EEF2K: variants seen among roughly 807,000 people sequenced by gnomAD.
EEF2K encodes alternative protein EEF2K.
A neutral mutation model predicts 93.8 loss-of-function variants in EEF2K; 70 were observed. The ratio of observed to expected loss-of-function variants is 0.75; its 90% confidence interval spans 0.62 to 0.91. EEF2K has a LOEUF of 0.91. EEF2K is among the 40% of genes least tolerant of loss of function. The pLI is 0.00. For missense variants in EEF2K, 935 were observed against 972.9 expected (o/e 0.96, Z 0.52); for synonymous variants, 376 against 380.8 (o/e 0.99, Z 0.15).
chr16:22,257,606 C>T (rs1482666276), intron 8 of EEF2K, 37 bp from the exon 9 acceptor site: 4 of 1,605,696 alleles, frequency 2.5e-6, no homozygotes, highest in Non-Finnish European at 3.4e-6. Context: ...CGTCACAGAG[C>T]AAAGCAACAC....
intron 2 of EEF2K, among the ~76,000 whole-genome samples, chr16:22,231,566 C>T (rs1191926293): frequency 1.3e-5 from 2 of 152,080 alleles, no homozygotes; most frequent in Non-Finnish European, 2.9e-5. Context: ...ATTTTTTAAA[C>T]ATTTTAAACT....
At chr16:22,215,566 G>A (rs2046950812) in intron 1 of EEF2K, among the ~76,000 whole-genome samples, 1 of 152,196 alleles carries the variant, frequency 6.6e-6, no homozygotes. Context: ...CAGACATTAA[G>A]ACACTGATGT....
chr16:22,263,387 T>G (rs1382995005), intron 12 of EEF2K, 200 bp downstream of exon 12: 7 of 292,998 alleles, frequency 2.4e-5, no homozygotes, highest in Non-Finnish European at 3.2e-5. Context: ...GGCGGGTGGA[T>G]CACCTGACAT....
chr16:22,270,944 G>A (rs1266379958), intron 15 of EEF2K, among the ~76,000 whole-genome samples: 15 of 148,566 alleles, frequency 1.0e-4, no homozygotes, highest in Admixed American at 7.4e-4. Flanking sequence ...GTGTGTGTGT[G>A]TATATATATA....
chr16:22,218,942 A>AG (rs2046986295), intron 1 of EEF2K, among the ~76,000 whole-genome samples: 2 of 151,798 alleles, frequency 1.3e-5, no homozygotes, highest in African/African-American at 4.8e-5. Context: ...AAATTAAAAA[A>AG]AAAAAAAAAA....
intron 3 of EEF2K, among the ~76,000 whole-genome samples, chr16:22,246,132 C>A (rs1370085684): frequency 6.6e-6 from 1 of 152,134 alleles, no homozygotes; most frequent in Non-Finnish European, 1.5e-5. Context: ...TCCCATGAAC[C>A]CCTCCTTGGG....
At chr16:22,247,878 C>T (rs780287563) in intron 3 of EEF2K, among the ~76,000 whole-genome samples, 4 of 152,082 alleles carry the variant, frequency 2.6e-5, no homozygotes, top group South Asian at 2.1e-4. Flanking sequence ...CCACTGTGTG[C>T]GGCTGTTACT....
At chr16:22,245,182 C>T (rs546162440) in intron 3 of EEF2K, among the ~76,000 whole-genome samples, 7 of 152,170 alleles carry the variant, frequency 4.6e-5, no homozygotes, top group African/African-American at 1.4e-4. Flanking sequence ...GCAGGAGAAT[C>T]GCTTGAACTC....
intron 15 of EEF2K, among the ~76,000 whole-genome samples, chr16:22,270,971 C>CT (rs11290278): frequency 0.011 from 1,464 of 129,548 alleles, 30 homozygotes; most frequent in African/African-American, 0.032. Flanking sequence ...TTTTGTTTTT[C>CT]TTTTTTTTTT....
chr16:22,220,411 C>T (rs116077242), intron 1 of EEF2K, among the ~76,000 whole-genome samples: 1 of 151,674 alleles, frequency 6.6e-6, no homozygotes, highest in African/African-American at 2.4e-5. Context: ...CAGATTTGCT[C>T]GCTAGCAGCC....
At chr16:22,240,857 C>T (rs2047214833) in intron 2 of EEF2K, among the ~76,000 whole-genome samples, 1 of 152,114 alleles carries the variant, frequency 6.6e-6, no homozygotes, top group South Asian at 2.1e-4. Flanking sequence ...GCAACCTCCG[C>T]CTCCTGGGTT....
Position 22,232,432 on chromosome 16 carries a change from G to T in EEF2K, c.246+6457G>T, listed in dbSNP as rs184544375. Among the ~76,000 whole-genome samples the T allele has an allele frequency of 3.3e-5, 5 of 151,872 alleles. No individual in the cohort carries two copies. In the South Asian group the frequency reaches 1.0e-3, roughly 32 times the overall value. On this transcript the variant is annotated intron_variant, in intron 2 of 17. Coordinates refer to ENST00000263026, the MANE Select transcript of EEF2K (RefSeq NM_013302.5). The stretch of plus-strand genomic sequence containing the variant: ...TTTTGGAACGATGGGGTCTCATTAC[G>T]TTGCCCAGGCTGGTCTTGAACTCCT...
chr16:22,250,839 C>T (rs953505656), intron 5 of EEF2K, 148 bp downstream of exon 5: 39 of 1,058,528 alleles, frequency 3.7e-5, no homozygotes, highest in Non-Finnish European at 5.1e-5. Context: ...TAGTCTCCCT[C>T]GGGCCACACA....
At chr16:22,215,756 C>G (rs1232351604) in intron 1 of EEF2K, among the ~76,000 whole-genome samples, 1 of 152,114 alleles carries the variant, frequency 6.6e-6, no homozygotes, top group Non-Finnish European at 1.5e-5. Context: ...GAAACCCCGT[C>G]TCTACTAAAA....
intron 1 of EEF2K, among the ~76,000 whole-genome samples, chr16:22,220,803 G>A (rs976027527): frequency 3.9e-5 from 6 of 152,220 alleles, no homozygotes; most frequent in Non-Finnish European, 8.8e-5. Flanking sequence ...GCTTGGGGCT[G>A]TGGTTCTGGC....
At chr16:22,226,745 C>T (rs1388812346) in intron 2 of EEF2K, among the ~76,000 whole-genome samples, 2 of 152,136 alleles carry the variant, frequency 1.3e-5, no homozygotes, top group East Asian at 3.9e-4. Context: ...CCACGCCCAG[C>T]CACTTGTTGT....
intron 1 of EEF2K, among the ~76,000 whole-genome samples, chr16:22,224,038 C>T (rs1486030347): frequency 1.3e-5 from 2 of 151,792 alleles, no homozygotes; most frequent in Non-Finnish European, 1.5e-5. Context: ...GAAACCCCGT[C>T]TCTACTAAAA....
intron 4 of EEF2K, among the ~76,000 whole-genome samples, chr16:22,249,325 A>G (rs1018852402): frequency 2.6e-5 from 4 of 152,058 alleles, no homozygotes; most frequent in Admixed American, 2.0e-4. Context: ...ATAAAAGACT[A>G]GAAAATAGAG....
chr16:22,260,918 C>CTCT (rs2141676410), intron 11 of EEF2K, among the ~76,000 whole-genome samples: 1 of 152,302 alleles, frequency 6.6e-6, no homozygotes, highest in South Asian at 2.1e-4. Context: ...TGTGTTCTAG[C>CTCT]TCTTCACACC....
Sources: allele counts gnomAD v4.1 joint callset (sites outside exome capture counted in the v4.1 genomes callset), GRCh38; gene constraint gnomAD v4.1.1; transcripts MANE v1.5; gene names NCBI Gene and HGNC (gene_info 2026-07-23, HGNC 2026-07-21).